The following TASP1 variants were observed in gnomAD, a reference collection of about 807,000 sequenced individuals.
TASP1 encodes taspase 1, also known as threonine aspartase 1.
TASP1 carries 16 observed loss-of-function variants against 56.6 expected under a neutral mutation model. The observed-to-expected ratio is 0.28, with a 90% CI of 0.19 to 0.43. The LOEUF (loss-of-function observed/expected upper bound fraction) is 0.43. Among genes scored for constraint, TASP1 ranks in the 20% least tolerant of loss-of-function variants. The pLI is 1.00. For synonymous variants in TASP1, 179 were observed against 184.2 expected (o/e 0.97, Z 0.23); for missense variants, 393 against 511.6 (o/e 0.77, Z 2.24).
intron 10 of TASP1, among the ~76,000 whole-genome samples, chr20:13,496,420 C>T (rs751067292): frequency 1.3e-5 from 2 of 151,380 alleles, no homozygotes; most frequent in Non-Finnish European, 2.9e-5. Context: ...CGCCTAGAGG[C>T]TAACATGAAA....
the TASP1 span, among the ~76,000 whole-genome samples, chr20:13,268,869 G>A: frequency 6.6e-6 from 1 of 152,134 alleles, no homozygotes; most frequent in Non-Finnish European, 1.5e-5. Flanking sequence ...GAGCTCAGTT[G>A]TGCCACTGCA....
At chr20:13,412,420 T>C (rs1338517207) in intron 13 of TASP1, among the ~76,000 whole-genome samples, 2 of 152,224 alleles carry the variant, frequency 1.3e-5, no homozygotes, top group South Asian at 2.1e-4. Flanking sequence ...ATAACTTCTC[T>C]GGATACTTTT....
intron 10 of TASP1, among the ~76,000 whole-genome samples, chr20:13,498,796 CAAAA>C (rs34158191): frequency 2.8e-4 from 36 of 130,012 alleles, no homozygotes; most frequent in Admixed American, 3.1e-4. Flanking sequence ...ATAAAAAAGG[CAAAA>C]AAAAAAAAAA....
the TASP1 span, among the ~76,000 whole-genome samples, chr20:13,124,867 A>G: frequency 2.0e-5 from 3 of 152,240 alleles, no homozygotes; most frequent in South Asian, 6.2e-4. Flanking sequence ...TGAGGAGGAC[A>G]TGAACCTACC....
the TASP1 span, chr20:13,117,493 C>T: frequency 1.9e-6 from 3 of 1,561,460 alleles, no homozygotes; most frequent in Admixed American, 1.9e-5. Flanking sequence ...GAGCATTTCT[C>T]CTTCTGCCCT....
chr20:13,460,263 T>C lies in TASP1; in HGVS notation c.985+22964A>G, dbSNP rs73266872. Among the ~76,000 whole-genome samples the C allele has an allele frequency of 4.4e-3, 663 of 152,276 alleles. 8 individuals are homozygous for C. Among genetic ancestry groups the C allele is most frequent in the African/African-American group, 0.016 (648 of 41,572 alleles). On this transcript the variant is annotated intron_variant, in intron 11 of 13. Transcript: ENST00000337743. ...ATCGTGCTTTGCTGCTTTCTAGCAC[T>C]TACTTCACTTGACTTTCAGGACTTC...
intron 4 of TASP1, among the ~76,000 whole-genome samples, chr20:13,596,884 A>G (rs917140884): frequency 2.6e-5 from 4 of 152,382 alleles, no homozygotes; most frequent in Non-Finnish European, 4.4e-5. Context: ...ACAAACTACC[A>G]TCAGAGAATA....
chr20:13,153,989 C>A, the TASP1 span: 6 of 1,612,696 alleles, frequency 3.7e-6, no homozygotes, highest in African/African-American at 8.0e-5. Context: ...GATTTCACGC[C>A]TGTCTCTTTT....
chr20:13,571,328 T>G (rs1173057183), intron 6 of TASP1, among the ~76,000 whole-genome samples: 2 of 152,200 alleles, frequency 1.3e-5, no homozygotes, highest in Non-Finnish European at 2.9e-5. Context: ...CAGAAGCTTT[T>G]ACTAAAAACT....
chr20:13,608,025 C>A (rs1418033488), intron 4 of TASP1, among the ~76,000 whole-genome samples: 5 of 152,070 alleles, frequency 3.3e-5, no homozygotes, highest in African/African-American at 1.2e-4. Flanking sequence ...TAAGCAGATA[C>A]CTTTAACCTT....
intron 10 of TASP1, among the ~76,000 whole-genome samples, chr20:13,526,146 T>C (rs1037769207): frequency 1.1e-4 from 16 of 152,252 alleles, no homozygotes; most frequent in African/African-American, 2.9e-4. Flanking sequence ...AATTTTAAAA[T>C]AAGGGTAGGG....
At chr20:13,120,122 C>T in the TASP1 span, among the ~76,000 whole-genome samples, 3 of 152,176 alleles carry the variant, frequency 2.0e-5, no homozygotes, top group East Asian at 1.9e-4. Context: ...AATTAGGATT[C>T]GGCAAATACT....
At chr20:13,491,550 T>C (rs1471164743) in intron 10 of TASP1, among the ~76,000 whole-genome samples, 2 of 152,168 alleles carry the variant, frequency 1.3e-5, no homozygotes, top group Non-Finnish European at 2.9e-5. Flanking sequence ...TTTATAATTG[T>C]TTTTAACTTC....
rs1358993914 is a variant in TASP1, at chr20:13,513,426, C to T, written c.874+15007G>A. ...AGAGGGAGGGAGGGAGGGAGAGAGA[C>T]AGAAGGCAGAGCAAGAAGTGGGGAG... On this transcript the variant is annotated intron_variant, in intron 10 of 13. Transcript: ENST00000337743. Among the ~76,000 whole-genome samples the T allele has an allele frequency of 7.3e-5, 11 of 151,588 alleles. No individual in the cohort carries two copies. The East Asian group carries it at 9.7e-4, about 13-fold the overall frequency.
chr20:13,194,585 G>A, the TASP1 span, among the ~76,000 whole-genome samples: 3 of 124,466 alleles, frequency 2.4e-5, no homozygotes, highest in Non-Finnish European at 4.9e-5. Context: ...GTGTGTGTGT[G>A]TATGTGTGTT....
intron 8 of TASP1, among the ~76,000 whole-genome samples, chr20:13,547,989 G>A (rs2045865126): frequency 6.6e-6 from 1 of 152,196 alleles, no homozygotes; most frequent in East Asian, 1.9e-4. Flanking sequence ...ATAGCTTAAA[G>A]AGAGAGAAGA....
chr20:13,608,567 T>C (rs1277355872), intron 4 of TASP1, among the ~76,000 whole-genome samples: 2 of 152,248 alleles, frequency 1.3e-5, no homozygotes, highest in Non-Finnish European at 2.9e-5. Flanking sequence ...CACAAATGAA[T>C]AAGCATGGCT....
At chr20:13,311,243 T>TGATAGATA in the TASP1 span, among the ~76,000 whole-genome samples, 1,819 of 127,848 alleles carry the variant, frequency 0.014, 19 homozygotes, top group East Asian at 0.024. Context: ...GATAGATAGA[T>TGATAGATA]GATAGATAGA....
At chr20:13,273,964 C>G in the TASP1 span, among the ~76,000 whole-genome samples, 4 of 152,020 alleles carry the variant, frequency 2.6e-5, no homozygotes, top group Admixed American at 2.0e-4. Flanking sequence ...TGTGGAAGAC[C>G]ACAAAATGTT....
Sources: allele counts gnomAD v4.1 joint callset (sites outside exome capture counted in the v4.1 genomes callset), GRCh38; gene constraint gnomAD v4.1.1; transcripts MANE v1.5; gene names NCBI Gene and HGNC (gene_info 2026-07-23, HGNC 2026-07-21).